Variants in RABGAP1L observed in about 807,000 individuals in gnomAD.
RABGAP1L encodes rab GTPase-activating protein 1-like.
In RABGAP1L, 63 loss-of-function variants were observed where a neutral mutation model predicts 137.7. That is an observed-to-expected ratio of 0.46 (90% CI 0.37 to 0.56). The LOEUF (loss-of-function observed/expected upper bound fraction) is 0.56, where lower values mean the gene tolerates loss of function less well. RABGAP1L is among the 20% of genes least tolerant of loss of function. The pLI, the probability that RABGAP1L is intolerant of heterozygous loss-of-function variation, is 0.00. For missense variants in RABGAP1L, 1,095 were observed against 1,244.0 expected (o/e 0.88, Z 1.80); for synonymous variants, 431 against 433.7 (o/e 0.99, Z 0.08).
rs1345457402 is a variant in RABGAP1L at position 174,939,384 on chromosome 1, C to T, written c.2341-18073C>T. Among the ~76,000 whole-genome samples the T allele has an allele frequency of 6.6e-5, 10 of 151,880 alleles. 1 individual carries two copies. The highest frequency in any genetic ancestry group is 7.4e-5 in the Non-Finnish European group (5 of 67,968). ...CAGCCTGGCCAACATGGCGAAACCC[C>T]GTCTCTACTAAAAAAGTACAAAAAT... On this transcript the variant is annotated intron_variant, in intron 19 of 25. Transcript: ENST00000681986.
At chr1:174,679,823 A>G (rs918021832) in intron 14 of RABGAP1L, among the ~76,000 whole-genome samples, 15 of 152,232 alleles carry the variant, frequency 9.9e-5, no homozygotes, top group African/African-American at 3.6e-4. Context: ...AAGACAGTAA[A>G]TTAATTCCTA....
chr1:174,714,632 ATAG>A (rs1430223803), intron 17 of RABGAP1L, among the ~76,000 whole-genome samples: 1 of 152,230 alleles, frequency 6.6e-6, no homozygotes, highest in Non-Finnish European at 1.5e-5. Flanking sequence ...AAACCTAGAC[ATAG>A]TAGCTCCAGT....
At chr1:174,762,276 CCCCTT>C (rs1685288170) in intron 18 of RABGAP1L, among the ~76,000 whole-genome samples, 1 of 152,172 alleles carries the variant, frequency 6.6e-6, no homozygotes, top group Admixed American at 6.5e-5. Context: ...TCCTCAACTG[CCCCTT>C]CCCTCCCTCT....
chr1:174,640,955 ATAT>A (rs1674484788), intron 14 of RABGAP1L, among the ~76,000 whole-genome samples: 1 of 141,034 alleles, frequency 7.1e-6, no homozygotes. Flanking sequence ...ATAATATAAT[ATAT>A]TATATTTAAT....
intron 13 of RABGAP1L, among the ~76,000 whole-genome samples, chr1:174,467,543 A>G (rs1321915761): frequency 1.3e-5 from 2 of 152,142 alleles, no homozygotes; most frequent in African/African-American, 4.8e-5. Context: ...CGTTTCTACT[A>G]AATAAATGTA....
chr1:174,788,476 C>T (rs1020330444), intron 18 of RABGAP1L, among the ~76,000 whole-genome samples: 3 of 152,308 alleles, frequency 2.0e-5, no homozygotes, highest in Admixed American at 6.5e-5. Flanking sequence ...GCTCTATTTC[C>T]GTAGCACACC....
At chr1:174,829,949 C>T (rs1250632804) in intron 19 of RABGAP1L, among the ~76,000 whole-genome samples, 2 of 148,262 alleles carry the variant, frequency 1.3e-5, no homozygotes, top group Non-Finnish European at 3.0e-5. Context: ...CATCCCAAAA[C>T]TTACAGGTTT....
intron 11 of RABGAP1L, among the ~76,000 whole-genome samples, chr1:174,340,737 G>C (rs1316986498): frequency 6.6e-6 from 1 of 152,156 alleles, no homozygotes; most frequent in Non-Finnish European, 1.5e-5. Flanking sequence ...TGAACATACA[G>C]TGCATGTATC....
intron 1 of RABGAP1L, among the ~76,000 whole-genome samples, chr1:174,180,981 A>G (rs181049697): frequency 7.9e-5 from 12 of 152,290 alleles, no homozygotes; most frequent in African/African-American, 2.6e-4. Context: ...TCTTACATTT[A>G]ATTCACAGAC....
At chr1:174,584,437 T>C (rs1392202750) in intron 13 of RABGAP1L, among the ~76,000 whole-genome samples, 1 of 152,120 alleles carries the variant, frequency 6.6e-6, no homozygotes, top group African/African-American at 2.4e-5. Context: ...CTAAGAAATA[T>C]CATTCTTGGG....
At chr1:174,491,344 A>T (rs1038781557) in intron 13 of RABGAP1L, among the ~76,000 whole-genome samples, 3 of 152,010 alleles carry the variant, frequency 2.0e-5, no homozygotes, top group Non-Finnish European at 4.4e-5. Flanking sequence ...CTTCTGGCTG[A>T]GGGAGTTTCT....
intron 17 of RABGAP1L, among the ~76,000 whole-genome samples, chr1:174,746,613 G>A (rs1683885307): frequency 1.3e-5 from 2 of 152,112 alleles, no homozygotes; most frequent in Non-Finnish European, 2.9e-5. Flanking sequence ...AGGAAGTAGA[G>A]GACACATTAA....
intron 11 of RABGAP1L, among the ~76,000 whole-genome samples, chr1:174,342,779 C>T (rs1682087507): frequency 1.3e-5 from 2 of 149,230 alleles, no homozygotes; most frequent in Non-Finnish European, 3.0e-5. Context: ...TTGCTTGTTG[C>T]CCAGGCTGGA....
intron 13 of RABGAP1L, among the ~76,000 whole-genome samples, chr1:174,473,569 C>A (rs1002219247): frequency 5.3e-5 from 8 of 152,104 alleles, no homozygotes; most frequent in African/African-American, 1.9e-4. Flanking sequence ...TTAGAGGTTT[C>A]TCTTGCTAGT....
At chr1:174,612,341 T>A (rs1405217994) in intron 13 of RABGAP1L, among the ~76,000 whole-genome samples, 2 of 152,236 alleles carry the variant, frequency 1.3e-5, no homozygotes, top group African/African-American at 4.8e-5. Context: ...TGGTTCTGTT[T>A]ATATGCTGGA....
intron 11 of RABGAP1L, among the ~76,000 whole-genome samples, chr1:174,336,311 G>T (rs746239000): frequency 6.6e-6 from 1 of 152,102 alleles, no homozygotes; most frequent in Non-Finnish European, 1.5e-5. Context: ...TTTTTGTATA[G>T]TTGAGATCTT....
At chr1:174,647,973 G>A (rs1305901900) in intron 14 of RABGAP1L, among the ~76,000 whole-genome samples, 1 of 152,064 alleles carries the variant, frequency 6.6e-6, no homozygotes, top group African/African-American at 2.4e-5. Flanking sequence ...ATTTCTTCTA[G>A]ATTTTCTAGT....
chr1:174,490,306 C>T lies in RABGAP1L; in HGVS notation c.1710+96161C>T, dbSNP rs143069565. ...CCTGCATGAAGGGGCACCCCAAGCCCGGTAACACTGTGGTTCTTACAGACT... is the reference window on the plus strand; with the variant it reads ...CCTGCATGAAGGGGCACCCCAAGCCTGGTAACACTGTGGTTCTTACAGACT... On this transcript the variant is annotated intron_variant, in intron 13 of 25. Transcript: ENST00000681986. Among the ~76,000 whole-genome samples the T allele has an allele frequency of 2.8e-3, 433 of 152,274 alleles. 5 individuals carry two copies. The highest frequency in any genetic ancestry group is 0.014 in the Middle Eastern group (4 of 294).
chr1:174,394,273 T>A, intron 13 of RABGAP1L, 128 bp downstream of exon 13: 1 of 1,051,390 alleles, frequency 9.5e-7, no homozygotes, highest in African/African-American at 1.6e-5. Context: ...GTGAAGTCAG[T>A]ACTTCTACCT....
Sources: allele counts gnomAD v4.1 joint callset (sites outside exome capture counted in the v4.1 genomes callset), GRCh38; gene constraint gnomAD v4.1.1; transcripts MANE v1.5; gene names NCBI Gene and HGNC (gene_info 2026-07-23, HGNC 2026-07-21).